The following TENM3 variants were observed in gnomAD, a reference collection of about 807,000 sequenced individuals.
TENM3 encodes teneurin transmembrane protein 3.
Under a neutral mutation model 255.1 loss-of-function variants are expected in TENM3, and 63 were observed. The observed-to-expected ratio is 0.25, with a 90% CI of 0.20 to 0.30. The LOEUF (loss-of-function observed/expected upper bound fraction) is 0.30, where lower values mean the gene tolerates loss of function less well. Ranked by LOEUF, TENM3 falls within the 10% of genes least tolerant of loss-of-function variation. The pLI is 1.00. For synonymous variants in TENM3, 1,306 were observed against 1,322.3 expected (o/e 0.99, Z 0.27); for missense variants, 2,929 against 3,461.1 (o/e 0.85, Z 3.86).
At chr4:181,484,095 T>C in the TENM3 span, among the ~76,000 whole-genome samples, 1 of 152,130 alleles carries the variant, frequency 6.6e-6, no homozygotes, top group Non-Finnish European at 1.5e-5. Context: ...TTGGTTTGTA[T>C]TTCCAGCCCT....
the TENM3 span, among the ~76,000 whole-genome samples, chr4:181,507,514 TC>T: frequency 2.6e-5 from 4 of 152,264 alleles, no homozygotes; most frequent in South Asian, 8.3e-4. Flanking sequence ...GCACTTCTGA[TC>T]TTTGTGACGT....
chr4:182,376,829 T>C (rs1767209368), intron 3 of TENM3, among the ~76,000 whole-genome samples: 1 of 152,170 alleles, frequency 6.6e-6, no homozygotes, highest in Admixed American at 6.5e-5. Flanking sequence ...GATATTACAT[T>C]ATGCTGAATA....
At chr4:181,653,502 C>T in the TENM3 span, among the ~76,000 whole-genome samples, 4 of 152,062 alleles carry the variant, frequency 2.6e-5, no homozygotes, top group Non-Finnish European at 2.9e-5. Flanking sequence ...TTCCACCTCC[C>T]GGGTTCAAGC....
chr4:181,705,046 CA>C, the TENM3 span, among the ~76,000 whole-genome samples: 23 of 27,190 alleles, frequency 8.5e-4, no homozygotes, highest in African/African-American at 2.2e-3. Flanking sequence ...AAAAACAAAA[CA>C]AAACAAAAAA....
At chr4:181,614,767 A>G in the TENM3 span, among the ~76,000 whole-genome samples, 1 of 152,236 alleles carries the variant, frequency 6.6e-6, no homozygotes, top group African/African-American at 2.4e-5. Context: ...CCAGCTTTCT[A>G]GATGTCTGCA....
intron 4 of TENM3, among the ~76,000 whole-genome samples, chr4:182,614,810 G>A (rs1389086357): frequency 7.0e-6 from 1 of 141,970 alleles, no homozygotes; most frequent in African/African-American, 2.5e-5. Context: ...TCAATGTGGA[G>A]TATTTTTTCA....
the TENM3 span, among the ~76,000 whole-genome samples, chr4:181,738,948 G>A: frequency 6.6e-6 from 1 of 151,914 alleles, no homozygotes; most frequent in Admixed American, 6.6e-5. Flanking sequence ...ACACCAGTGA[G>A]CCTAGCTAGT....
chr4:181,960,640 G>A, the TENM3 span, among the ~76,000 whole-genome samples: 1 of 152,104 alleles, frequency 6.6e-6, no homozygotes, highest in East Asian at 1.9e-4. Flanking sequence ...TAAATAAAGA[G>A]GGCTGATAGT....
chr4:182,536,673 C>T (rs1171461403), intron 3 of TENM3, among the ~76,000 whole-genome samples: 4 of 151,972 alleles, frequency 2.6e-5, no homozygotes, highest in South Asian at 2.1e-4. Context: ...CTTGGCGGAA[C>T]GCTGGGCACA....
chr4:181,990,984 A>C, the TENM3 span, among the ~76,000 whole-genome samples: 61 of 152,280 alleles, frequency 4.0e-4, no homozygotes, highest in African/African-American at 1.4e-3. Flanking sequence ...AAATTTAGAA[A>C]AAAACCAAAA....
chr4:181,739,908 A>G, the TENM3 span, among the ~76,000 whole-genome samples: 1 of 152,222 alleles, frequency 6.6e-6, no homozygotes, highest in African/African-American at 2.4e-5. Context: ...GTACGCAAAA[A>G]TCACTTGGCA....
chr4:182,094,421 C>T, the TENM3 span, among the ~76,000 whole-genome samples: 1 of 152,012 alleles, frequency 6.6e-6, no homozygotes, highest in East Asian at 1.9e-4. Context: ...AATTTTTGTA[C>T]GTTTTTAGTA....
intron 3 of TENM3, among the ~76,000 whole-genome samples, chr4:182,450,945 A>G (rs1278241842): frequency 3.3e-5 from 5 of 152,200 alleles, no homozygotes; most frequent in African/African-American, 4.8e-5. Context: ...AATGTTTTTA[A>G]TGACTAGTTT....
chr4:181,833,608 C>A, the TENM3 span, among the ~76,000 whole-genome samples: 1 of 152,138 alleles, frequency 6.6e-6, no homozygotes, highest in African/African-American at 2.4e-5. Flanking sequence ...TCAGTCATGA[C>A]AAATTCACAC....
the TENM3 span, among the ~76,000 whole-genome samples, chr4:182,124,123 T>C: frequency 1 from 152,290 of 152,340 alleles, 76,120 homozygotes; most frequent in Middle Eastern, 1. Flanking sequence ...GTGATCTCGG[T>C]GCACTGCAAC....
chr4:182,163,386 C>T (rs767582695), intron 1 of TENM3, among the ~76,000 whole-genome samples: 1 of 152,164 alleles, frequency 6.6e-6, no homozygotes, highest in East Asian at 1.9e-4. Context: ...CTTCCAGCCC[C>T]GCCTCCCATC....
At chr4:182,652,157 A>G (rs1448667705) in intron 5 of TENM3, among the ~76,000 whole-genome samples, 1 of 152,236 alleles carries the variant, frequency 6.6e-6, no homozygotes, top group Non-Finnish European at 1.5e-5. Flanking sequence ...TTTGACAGAT[A>G]CTTATTGAGA....
the TENM3 span, among the ~76,000 whole-genome samples, chr4:182,119,857 G>A: frequency 2.0e-5 from 3 of 151,994 alleles, no homozygotes; most frequent in East Asian, 3.9e-4. Flanking sequence ...ACATACCACC[G>A]TGCCTGGCTA....
At chr4:182,156,753 T>A (rs1285275264) in intron 1 of TENM3, among the ~76,000 whole-genome samples, 1 of 152,208 alleles carries the variant, frequency 6.6e-6, no homozygotes, top group African/African-American at 2.4e-5. Flanking sequence ...AATGTATATC[T>A]TCATTTATAG....
Sources: gnomAD v4.1 joint callset for allele counts (sites outside exome capture counted in the v4.1 genomes callset) on GRCh38, gnomAD v4.1.1 for gene constraint, MANE v1.5 for transcripts, NCBI Gene and HGNC (gene_info 2026-07-23, HGNC 2026-07-21) for gene names.